TBC1D22A: variants seen among roughly 807,000 people sequenced by gnomAD.
TBC1D22A encodes putative GTPase activator.
A neutral mutation model predicts 60.2 loss-of-function variants in TBC1D22A; 38 were observed. That is an observed-to-expected ratio of 0.63 (90% CI 0.49 to 0.83). The LOEUF (loss-of-function observed/expected upper bound fraction) is 0.83. Ranked by LOEUF, TBC1D22A falls within the 40% of genes least tolerant of loss-of-function variation. The probability of loss-of-function intolerance (pLI) is 0.00; values close to 1 mark genes in which losing one functional copy is unlikely to be tolerated. For synonymous variants in TBC1D22A, 302 were observed against 281.7 expected (o/e 1.07, Z -0.72); for missense variants, 628 against 701.0 (o/e 0.90, Z 1.18).
intron 8 of TBC1D22A, among the ~76,000 whole-genome samples, chr22:46,973,694 T>A (rs892218277): frequency 6.6e-6 from 1 of 152,268 alleles, no homozygotes; most frequent in African/African-American, 2.4e-5. Context: ...ATTAGGCATC[T>A]GTTTTGCATT....
At chr22:47,054,007 C>G (rs86558) in intron 11 of TBC1D22A, among the ~76,000 whole-genome samples, 40,033 of 152,042 alleles carry the variant, frequency 0.26, 5,940 homozygotes, top group East Asian at 0.57. Context: ...ACTCATCAGT[C>G]ATCCGGCTTC....
In TBC1D22A at chr22:46,901,188, C is replaced by T. The variant is rs1188923464; in HGVS notation, c.900+6342C>T. On this transcript the variant is annotated intron_variant, in intron 7 of 12. Transcript: ENST00000337137. ...ATTTCAGAAGTTTGTTGGCATCTAA[C>T]GTGCCAGGCCACACTGCAGGATTAA... Among the ~76,000 whole-genome samples the T allele has an allele frequency of 2.6e-5, 4 of 152,320 alleles. No homozygotes were observed. In the South Asian group the frequency reaches 6.2e-4, roughly 24 times the overall value.
intron 11 of TBC1D22A, among the ~76,000 whole-genome samples, chr22:47,078,870 A>G (rs960872159): frequency 6.6e-6 from 1 of 152,124 alleles, no homozygotes; most frequent in Admixed American, 6.5e-5. Context: ...GAGCTGCTGT[A>G]GTATGATAGA....
At chr22:46,854,337 C>T (rs761099695) in intron 4 of TBC1D22A, among the ~76,000 whole-genome samples, 1 of 152,146 alleles carries the variant, frequency 6.6e-6, no homozygotes, top group Non-Finnish European at 1.5e-5. Flanking sequence ...CAGTGCACGG[C>T]GCAGACACTG....
chr22:46,830,596 C>T (rs2086267248), intron 4 of TBC1D22A, among the ~76,000 whole-genome samples: 1 of 152,202 alleles, frequency 6.6e-6, no homozygotes, highest in Admixed American at 6.5e-5. Flanking sequence ...GTGTGTGTCA[C>T]ATCACTTTCC....
chr22:46,941,733 A>ATG (rs2072137921), intron 8 of TBC1D22A, among the ~76,000 whole-genome samples: 1 of 145,110 alleles, frequency 6.9e-6, no homozygotes, highest in African/African-American at 2.6e-5. Context: ...GAATGTATAT[A>ATG]CGGAATATAT....
At chr22:47,042,321 C>T (rs996605984) in intron 11 of TBC1D22A, among the ~76,000 whole-genome samples, 1 of 152,190 alleles carries the variant, frequency 6.6e-6, no homozygotes, top group Non-Finnish European at 1.5e-5. Context: ...TCTGTCCTGG[C>T]CAGAGCCCCC....
At position 47,027,078 on chromosome 22, in the gene TBC1D22A, G is replaced by A. The variant is rs75953836; in HGVS notation, c.1202-9993G>A. On this transcript the variant is annotated intron_variant, in intron 10 of 12. Coordinates refer to ENST00000337137, the MANE Select transcript of TBC1D22A (RefSeq NM_014346.5). Reference sequence around the variant, plus strand: ...ATTGAGATAAGAAAAGAGATCAGTGGAATAGAAGAGAGTGCTGAGAAATGG... The same window carrying A: ...ATTGAGATAAGAAAAGAGATCAGTGAAATAGAAGAGAGTGCTGAGAAATGG... 5.3e-3 allele frequency among the ~76,000 whole-genome samples: 801 copies of A among 152,322 alleles called. 10 individuals are homozygous for A. The highest frequency in any genetic ancestry group is 0.018 in the African/African-American group (761 of 41,560).
At chr22:47,161,341 T>TA (rs36099876) in intron 12 of TBC1D22A, among the ~76,000 whole-genome samples, 100,987 of 151,968 alleles carry the variant, frequency 0.66, 34,268 homozygotes, top group African/African-American at 0.79. Flanking sequence ...TCTCTTGGTA[T>TA]GGGGGGCACT....
intron 11 of TBC1D22A, among the ~76,000 whole-genome samples, chr22:47,053,458 C>T (rs1042281775): frequency 6.6e-6 from 1 of 152,210 alleles, no homozygotes; most frequent in Non-Finnish European, 1.5e-5. Context: ...AGGGCCGCCT[C>T]GTCAGGCGCA....
At chr22:46,850,190 C>T (rs565311205) in intron 4 of TBC1D22A, among the ~76,000 whole-genome samples, 4 of 152,198 alleles carry the variant, frequency 2.6e-5, no homozygotes, top group Admixed American at 1.3e-4. Context: ...CTGAGGGGCA[C>T]GCAGGAGGGC....
chr22:47,004,141 T>C (rs1038071329), intron 10 of TBC1D22A, among the ~76,000 whole-genome samples: 4 of 146,948 alleles, frequency 2.7e-5, no homozygotes, highest in Non-Finnish European at 6.0e-5. Context: ...ATCTGCTATA[T>C]ACACATACAC....
intron 8 of TBC1D22A, among the ~76,000 whole-genome samples, chr22:46,918,569 C>T (rs1165604316): frequency 6.6e-6 from 1 of 152,130 alleles, no homozygotes; most frequent in Non-Finnish European, 1.5e-5. Context: ...CCTGAGGTAT[C>T]ACAGAAATCA....
At chr22:47,067,958 G>T (rs2063834077) in intron 11 of TBC1D22A, among the ~76,000 whole-genome samples, 1 of 152,228 alleles carries the variant, frequency 6.6e-6, no homozygotes, top group South Asian at 2.1e-4. Flanking sequence ...AGTTCTGCAT[G>T]CTGGACATAA....
intron 4 of TBC1D22A, among the ~76,000 whole-genome samples, chr22:46,832,627 CAA>C (rs1182365644): frequency 1.3e-5 from 2 of 152,126 alleles, no homozygotes; most frequent in Non-Finnish European, 2.9e-5. Context: ...GCCTGGGCAA[CAA>C]GAGCGAAACT....
chr22:47,008,877 C>G (rs1275038871), intron 10 of TBC1D22A, among the ~76,000 whole-genome samples: 3 of 152,118 alleles, frequency 2.0e-5, no homozygotes, highest in Admixed American at 6.5e-5. Flanking sequence ...AAATTAGTTC[C>G]CTATGTTTTG....
chr22:46,922,088 C>T (rs1426907071), intron 8 of TBC1D22A, among the ~76,000 whole-genome samples: 2 of 152,168 alleles, frequency 1.3e-5, no homozygotes, highest in Non-Finnish European at 2.9e-5. Context: ...GGTCTAGTTT[C>T]AATCTTCTGT....
chr22:46,965,998 T>C (rs2073783542), intron 8 of TBC1D22A, among the ~76,000 whole-genome samples: 1 of 152,154 alleles, frequency 6.6e-6, no homozygotes, highest in Admixed American at 6.5e-5. Flanking sequence ...CCCGCAGCCA[T>C]GGCACTCTCC....
intron 4 of TBC1D22A, among the ~76,000 whole-genome samples, chr22:46,867,654 G>C (rs1157664616): frequency 6.6e-6 from 1 of 152,220 alleles, no homozygotes; most frequent in Non-Finnish European, 1.5e-5. Flanking sequence ...TAACTGTGAT[G>C]ATAGTGATGA....
Sources: gnomAD v4.1 joint callset for allele counts (sites outside exome capture counted in the v4.1 genomes callset) on GRCh38, gnomAD v4.1.1 for gene constraint, MANE v1.5 for transcripts, NCBI Gene and HGNC (gene_info 2026-07-23, HGNC 2026-07-21) for gene names.